JMJD1C: variants seen among roughly 807,000 people sequenced by gnomAD.
JMJD1C encodes the protein jumonji domain containing 1C.
In JMJD1C, 31 loss-of-function variants were observed where a neutral mutation model predicts 245.3. That is an observed-to-expected ratio of 0.13 (90% CI 0.09 to 0.17). The LOEUF (loss-of-function observed/expected upper bound fraction) is 0.17, where lower values mean the gene tolerates loss of function less well. JMJD1C is among the 10% of genes least tolerant of loss of function. The probability of loss-of-function intolerance (pLI) is 1.00; values close to 1 mark genes in which losing one functional copy is unlikely to be tolerated. For synonymous variants in JMJD1C, 1,057 were observed against 1,017.4 expected (o/e 1.04, Z -0.74); for missense variants, 2,691 against 3,000.2 (o/e 0.90, Z 2.41).
rs1384703991 is a variant in JMJD1C at position 63,363,907 on chromosome 10, G to A, written c.333+16411C>T. Among the ~76,000 whole-genome samples, 4 of 146,370 alleles carry A rather than the reference G, an allele frequency of 2.7e-5. No homozygotes were observed. In the South Asian group the frequency reaches 6.4e-4, roughly 24 times the overall value. The stretch of plus-strand genomic sequence containing the variant: ...GTCTCACTCTGTTGCCCAAGCTGTA[G>A]TGCAGTGGCATGATCTCAGCTCACT... On this transcript the variant is annotated intron_variant, in intron 2 of 25. Transcript: ENST00000399262.
intron 3 of JMJD1C, chr10:63,222,828 G>T (rs1448908629): frequency 5.6e-5 from 81 of 1,435,934 alleles, no homozygotes; most frequent in Non-Finnish European, 7.7e-5. Context: ...GATGCACCTT[G>T]GTGTGGAGTC....
chr10:63,424,510 T>TTC (rs1280158052), intron 1 of JMJD1C, among the ~76,000 whole-genome samples: 1 of 143,270 alleles, frequency 7.0e-6, no homozygotes, highest in Non-Finnish European at 1.5e-5. Context: ...TTTTTTTTTT[T>TTC]TTTTTTTTCT....
chr10:63,316,529 C>T (rs1940085642), intron 2 of JMJD1C, among the ~76,000 whole-genome samples: 1 of 152,102 alleles, frequency 6.6e-6, no homozygotes, highest in Non-Finnish European at 1.5e-5. Context: ...CTCACTGCAA[C>T]TTCCGCCTCC....
chr10:63,339,389 T>C (rs1280637069), intron 2 of JMJD1C, among the ~76,000 whole-genome samples: 1 of 152,090 alleles, frequency 6.6e-6, no homozygotes, highest in Non-Finnish European at 1.5e-5. Context: ...AAATAACACT[T>C]GCATATACAC....
In JMJD1C at chr10:63,176,456, G is replaced by C. The variant is rs1842865160; in HGVS notation, c.7242C>G (p.Gly2414=). 5 of 1,611,748 alleles carry C rather than the reference G, an allele frequency of 3.1e-6. No individual in the cohort carries two copies. Among genetic ancestry groups the C allele is most frequent in the Non-Finnish European group, 4.2e-6 (5 of 1,178,932 alleles). Residue 2414 remains glycine, a synonymous_variant, in exon 24 of 26, where the codon GGC becomes GGG. Coordinates refer to ENST00000399262, the MANE Select transcript of JMJD1C (RefSeq NM_032776.3). The part of the protein sequence containing the change: ...EFLQKISKEQ[G]LEVLPEHDPI... ...GATCATGTTCTGGTAGAACTTCAAGGCCTTGTTCTTTTGAAATCTGAAATA... is the reference window on the plus strand; with the variant it reads ...GATCATGTTCTGGTAGAACTTCAAGCCCTTGTTCTTTTGAAATCTGAAATA...
intron 2 of JMJD1C, among the ~76,000 whole-genome samples, chr10:63,323,714 T>A (rs909944437): frequency 4.6e-5 from 7 of 152,170 alleles, no homozygotes; most frequent in African/African-American, 1.7e-4. Flanking sequence ...GCGGGGGCCA[T>A]CTTGTGCATT....
intron 2 of JMJD1C, among the ~76,000 whole-genome samples, chr10:63,368,832 G>C (rs1203544421): frequency 6.6e-6 from 1 of 151,988 alleles, no homozygotes; most frequent in Non-Finnish European, 1.5e-5. Context: ...GACTACAGTA[G>C]AGACAGGGTT....
rs7074900 is a variant in JMJD1C, at chr10:63,350,861, C to T, written c.333+29457G>A. ...GTCTCGATCTCCTGACCTCAAGATC[C>T]GCCCACCTTGGCCTCCCAAAGTGCT... On this transcript the variant is annotated intron_variant, in intron 2 of 25. Transcript: ENST00000399262. 8.4e-3 allele frequency among the ~76,000 whole-genome samples: 1,278 copies of T among 151,996 alleles called. 20 individuals are homozygous for T. The highest frequency in any genetic ancestry group is 0.029 in the African/African-American group (1,189 of 41,466).
chr10:63,263,984 A>ACACT (rs1554861376), intron 3 of JMJD1C, among the ~76,000 whole-genome samples: 2 of 112,662 alleles, frequency 1.8e-5, no homozygotes, highest in African/African-American at 6.3e-5. Context: ...ACACACACAC[A>ACACT]CACACACACA....
chr10:63,301,734 A>G, intron 2 of JMJD1C: 1 of 451,106 alleles, frequency 2.2e-6, no homozygotes, highest in Non-Finnish European at 4.4e-6. Flanking sequence ...TTGATGACGC[A>G]GCAAACCACC....
At chr10:63,341,190 C>A (rs969173468) in intron 2 of JMJD1C, among the ~76,000 whole-genome samples, 1 of 152,074 alleles carries the variant, frequency 6.6e-6, no homozygotes, top group Non-Finnish European at 1.5e-5. Flanking sequence ...GTGGGTTGCA[C>A]AAATTTATGA....
At chr10:63,361,963 G>C (rs1266424383) in intron 2 of JMJD1C, among the ~76,000 whole-genome samples, 1 of 152,012 alleles carries the variant, frequency 6.6e-6, no homozygotes, top group African/African-American at 2.4e-5. Flanking sequence ...GCCAAGCACA[G>C]TGGTTCACAC....
At chr10:63,270,359 G>C (rs1019560117) in intron 2 of JMJD1C, among the ~76,000 whole-genome samples, 1 of 151,896 alleles carries the variant, frequency 6.6e-6, no homozygotes, top group African/African-American at 2.4e-5. Context: ...TAGAGACAGG[G>C]TCTCACCACA....
At chr10:63,508,089 G>A (rs906789764) in intron 1 of JMJD1C, among the ~76,000 whole-genome samples, 2 of 151,998 alleles carry the variant, frequency 1.3e-5, no homozygotes, top group Non-Finnish European at 2.9e-5. Context: ...TGAAATTCCA[G>A]CTTATCAAGT....
chr10:63,266,591 A>G (rs1373249924), intron 2 of JMJD1C, among the ~76,000 whole-genome samples: 1 of 152,170 alleles, frequency 6.6e-6, no homozygotes, highest in Non-Finnish European at 1.5e-5. Context: ...TTAGTTTTTA[A>G]GTAAACTAGA....
chr10:63,288,568 G>A (rs1211059234), intron 2 of JMJD1C, among the ~76,000 whole-genome samples: 2 of 152,058 alleles, frequency 1.3e-5, no homozygotes, highest in Admixed American at 6.6e-5. Context: ...CCATTTTTAC[G>A]TCAGGTTGTT....
chr10:63,261,459 T>C (rs1854740724), intron 3 of JMJD1C, among the ~76,000 whole-genome samples: 1 of 152,024 alleles, frequency 6.6e-6, no homozygotes, highest in South Asian at 2.1e-4. Context: ...TGCACACCTG[T>C]AATCCCAGTT....
At chr10:63,369,767 G>C (rs914558552) in intron 2 of JMJD1C, among the ~76,000 whole-genome samples, 1 of 152,156 alleles carries the variant, frequency 6.6e-6, no homozygotes, top group African/African-American at 2.4e-5. Context: ...AAAGATGCCT[G>C]GGCTTCCACC....
intron 2 of JMJD1C, among the ~76,000 whole-genome samples, chr10:63,375,183 C>CTTTTTGT (rs1946627557): frequency 1.1e-5 from 1 of 92,924 alleles, no homozygotes; most frequent in Non-Finnish European, 2.0e-5. Flanking sequence ...TAAAAATTGG[C>CTTTTTGT]TTTTTTTTTT....
Sources: gnomAD v4.1 joint callset for allele counts (sites outside exome capture counted in the v4.1 genomes callset) on GRCh38, gnomAD v4.1.1 for gene constraint, MANE v1.5 for transcripts, NCBI Gene and HGNC (gene_info 2026-07-23, HGNC 2026-07-21) for gene names.